NRXN1: variants seen among roughly 807,000 people sequenced by gnomAD.
NRXN1 encodes neurexin 1, also known as neurexin-1.
A neutral mutation model predicts 150.9 loss-of-function variants in NRXN1; 39 were observed. That is an observed-to-expected ratio of 0.26 (90% confidence interval 0.20 to 0.34). The LOEUF is 0.34. Ranked by LOEUF, NRXN1 falls within the 10% of genes least tolerant of loss-of-function variation. The pLI is 1.00. For synonymous variants in NRXN1, 924 were observed against 757.0 expected, an observed-to-expected ratio of 1.22 and a Z score of -3.62; for missense variants, 1,815 against 1,949.9, an observed-to-expected ratio of 0.93 and a Z score of 1.30.
At chr2:50,051,473 A>T (rs748276836) in intron 21 of NRXN1, among the ~76,000 whole-genome samples, 50 of 152,204 alleles carry the variant, frequency 3.3e-4, no homozygotes, top group South Asian at 1.0e-3. Context: ...AGATAAAGGA[A>T]AGTCTATCAA....
At chr2:50,632,602 A>C (rs1682536460) in intron 5 of NRXN1, 1 of 152,028 alleles carries the variant, frequency 6.6e-6, no homozygotes, top group Non-Finnish European at 1.5e-5. Context: ...TCTAGTGTAC[A>C]TTAAAGTGTG....
At chr2:50,146,929 A>C (rs1272222546) in intron 18 of NRXN1, among the ~76,000 whole-genome samples, 1 of 151,530 alleles carries the variant, frequency 6.6e-6, no homozygotes, top group East Asian at 1.9e-4. Context: ...GCATTCTAAC[A>C]CTCATTTTCA....
intron 2 of NRXN1, among the ~76,000 whole-genome samples, chr2:51,007,200 G>C (rs537415922): frequency 6.6e-6 from 1 of 151,716 alleles, no homozygotes; most frequent in Non-Finnish European, 1.5e-5. Context: ...TATGCAATTG[G>C]ACATGTTTTT....
intron 5 of NRXN1, among the ~76,000 whole-genome samples, chr2:50,654,596 A>T (rs1559080368): frequency 6.6e-6 from 1 of 152,014 alleles, no homozygotes; most frequent in South Asian, 2.1e-4. Flanking sequence ...ATCCCTGAGG[A>T]ATCGCCACAC....
intron 17 of NRXN1, among the ~76,000 whole-genome samples, chr2:50,244,803 T>A (rs894593586): frequency 6.6e-6 from 1 of 151,920 alleles, no homozygotes; most frequent in Non-Finnish European, 1.5e-5. Flanking sequence ...TGAATATTTG[T>A]CAAATATTTG....
At chr2:50,719,636 A>G (rs1172500127) in intron 5 of NRXN1, among the ~76,000 whole-genome samples, 1 of 152,052 alleles carries the variant, frequency 6.6e-6, no homozygotes, top group African/African-American at 2.4e-5. Flanking sequence ...AGATCACACC[A>G]TTGCACTCCA....
At chr2:49,981,147 G>T (rs1214022151) in intron 21 of NRXN1, among the ~76,000 whole-genome samples, 1 of 151,960 alleles carries the variant, frequency 6.6e-6, no homozygotes, top group Admixed American at 6.6e-5. Context: ...GAGCTTTTTG[G>T]CATGCTATGT....
At chr2:50,941,889 T>C (rs1461350016) in intron 2 of NRXN1, among the ~76,000 whole-genome samples, 1 of 152,132 alleles carries the variant, frequency 6.6e-6, no homozygotes, top group Non-Finnish European at 1.5e-5. Flanking sequence ...CAAATGTTAA[T>C]AGCCAAGACA....
At chr2:50,818,690 T>G (rs574065881) in intron 5 of NRXN1, among the ~76,000 whole-genome samples, 4 of 152,034 alleles carry the variant, frequency 2.6e-5, no homozygotes, top group African/African-American at 9.6e-5. Flanking sequence ...TACATTAAAC[T>G]AAAAAGCATA....
chr2:51,027,145 G>A (rs979084331), intron 2 of NRXN1, among the ~76,000 whole-genome samples: 1 of 152,188 alleles, frequency 6.6e-6, no homozygotes, highest in African/African-American at 2.4e-5. Flanking sequence ...AAGTGGTAGA[G>A]ACAAGTACAG....
chr2:50,544,511 C>T (rs907892353), intron 9 of NRXN1, among the ~76,000 whole-genome samples: 2 of 152,054 alleles, frequency 1.3e-5, no homozygotes, highest in Non-Finnish European at 2.9e-5. Context: ...TTTCTGCTTA[C>T]TTGATTCATC....
intron 18 of NRXN1, among the ~76,000 whole-genome samples, chr2:50,150,326 C>A (rs913778923): frequency 1.3e-5 from 2 of 151,792 alleles, no homozygotes; most frequent in Admixed American, 1.3e-4. Flanking sequence ...TTGCAATGAA[C>A]ACTAACACTT....
At chr2:50,862,898 T>G (rs1442640847) in intron 5 of NRXN1, among the ~76,000 whole-genome samples, 1 of 152,016 alleles carries the variant, frequency 6.6e-6, no homozygotes, top group Non-Finnish European at 1.5e-5. Context: ...TTCCTACTTG[T>G]AAGGAATAAG....
intron 8 of NRXN1, among the ~76,000 whole-genome samples, chr2:50,583,712 T>C (rs1259326466): frequency 6.6e-6 from 1 of 152,212 alleles, no homozygotes; most frequent in Non-Finnish European, 1.5e-5. Flanking sequence ...GTTCACAGAA[T>C]CTATCAATTC....
chr2:50,829,554 G>T, intron 5 of NRXN1: 5 of 1,611,868 alleles, frequency 3.1e-6, no homozygotes, highest in Non-Finnish European at 4.2e-6. Flanking sequence ...CTTAGGAGGG[G>T]TTTTCTTAAA....
intron 6 of NRXN1, among the ~76,000 whole-genome samples, chr2:50,622,957 A>G (rs1418589755): frequency 6.6e-6 from 1 of 152,190 alleles, no homozygotes; most frequent in African/African-American, 2.4e-5. Context: ...AATGACCCCA[A>G]TGTGCATGCT....
At chr2:49,974,648 T>C (rs984395660) in intron 21 of NRXN1, among the ~76,000 whole-genome samples, 1 of 152,208 alleles carries the variant, frequency 6.6e-6, no homozygotes, top group Non-Finnish European at 1.5e-5. Context: ...ACAATTTTAT[T>C]TGTAAGTTAA....
At chr2:50,805,751 G>T (rs1010290572) in intron 5 of NRXN1, among the ~76,000 whole-genome samples, 36 of 152,264 alleles carry the variant, frequency 2.4e-4, no homozygotes, top group African/African-American at 8.4e-4. Context: ...AAAATAAATT[G>T]TAGAAAATAT....
intron 5 of NRXN1, among the ~76,000 whole-genome samples, chr2:50,651,616 C>A (rs558002183): frequency 2.0e-5 from 3 of 152,108 alleles, no homozygotes; most frequent in African/African-American, 4.8e-5. Flanking sequence ...TGTAAACATG[C>A]ACTGCACTCC....
Sources: allele counts gnomAD v4.1 joint callset (sites outside exome capture counted in the v4.1 genomes callset), GRCh38; gene constraint gnomAD v4.1.1; transcripts MANE v1.5; gene names NCBI Gene and HGNC (gene_info 2026-07-23, HGNC 2026-07-21).